Variants in WWOX observed in about 807,000 individuals in gnomAD.
WWOX encodes the protein WW domain containing oxidoreductase, also known as WW domain-containing oxidoreductase.
Under a neutral mutation model 46.2 loss-of-function variants are expected in WWOX, and 69 were observed. The observed-to-expected ratio is 1.49, with a 90% CI of 1.23 to 1.82. The LOEUF (loss-of-function observed/expected upper bound fraction) is 1.82, where lower values mean the gene tolerates loss of function less well. WWOX is among the 40% of genes most tolerant of loss of function. WWOX has a pLI of 0.00. For synonymous variants in WWOX, 359 were observed against 202.6 expected (o/e 1.77, Z -6.56); for missense variants, 919 against 542.6 (o/e 1.69, Z -6.89).
intron 8 of WWOX, among the ~76,000 whole-genome samples, chr16:79,031,659 A>T (rs1265594386): frequency 6.6e-6 from 1 of 150,948 alleles, no homozygotes; most frequent in East Asian, 1.9e-4. Context: ...AAAATTTATC[A>T]TTTAATACCA....
chr16:78,427,425 A>G (rs142117530), intron 7 of WWOX, among the ~76,000 whole-genome samples: 372 of 152,276 alleles, frequency 2.4e-3, no homozygotes, highest in Middle Eastern at 0.014. Context: ...GATAACAATT[A>G]AAGTAGAATG....
intron 8 of WWOX, among the ~76,000 whole-genome samples, chr16:78,506,101 C>T (rs1194094456): frequency 6.6e-6 from 1 of 152,102 alleles, no homozygotes; most frequent in East Asian, 1.9e-4. Context: ...CCAGCAGGGG[C>T]TGCCTGGAGA....
intron 8 of WWOX, among the ~76,000 whole-genome samples, chr16:79,183,427 G>A (rs370932543): frequency 1.3e-5 from 2 of 152,208 alleles, no homozygotes; most frequent in Middle Eastern, 3.2e-3. Flanking sequence ...GAACTGCCCT[G>A]TGAGCAGACA....
At chr16:78,409,649 C>G (rs964858119) in intron 6 of WWOX, among the ~76,000 whole-genome samples, 1 of 152,162 alleles carries the variant, frequency 6.6e-6, no homozygotes, top group African/African-American at 2.4e-5. Context: ...AAACCCAAAG[C>G]TATTATCTGA....
intron 8 of WWOX, among the ~76,000 whole-genome samples, chr16:79,015,620 G>A (rs544344041): frequency 2.8e-4 from 42 of 152,322 alleles, no homozygotes; most frequent in Non-Finnish European, 2.6e-4. Flanking sequence ...TGCAACCAGA[G>A]TTGGAAGCAC....
chr16:78,891,744 T>C (rs887392115), intron 8 of WWOX: 3 of 151,938 alleles, frequency 2.0e-5, no homozygotes, highest in South Asian at 2.1e-4. Context: ...TCTTGAAAGA[T>C]GACAAATGAT....
intron 8 of WWOX, among the ~76,000 whole-genome samples, chr16:79,169,385 T>G (rs1370392303): frequency 1.3e-5 from 2 of 152,202 alleles, no homozygotes; most frequent in Non-Finnish European, 2.9e-5. Context: ...TGTCACGTCT[T>G]CATCTGCAAG....
At chr16:78,453,977 A>G (rs2083752167) in intron 8 of WWOX, among the ~76,000 whole-genome samples, 1 of 152,172 alleles carries the variant, frequency 6.6e-6, no homozygotes, top group African/African-American at 2.4e-5. Flanking sequence ...GGATTTCACC[A>G]CACCTGGTTT....
At chr16:78,195,260 C>G (rs2036011857) in intron 5 of WWOX, among the ~76,000 whole-genome samples, 1 of 152,196 alleles carries the variant, frequency 6.6e-6, no homozygotes, top group African/African-American at 2.4e-5. Flanking sequence ...GGCAGACTGA[C>G]TGGAACCTGC....
chr16:78,804,439 A>G (rs1247350174), intron 8 of WWOX, among the ~76,000 whole-genome samples: 4 of 152,114 alleles, frequency 2.6e-5, no homozygotes, highest in Non-Finnish European at 4.4e-5. Flanking sequence ...AAAGAAAGAA[A>G]GAATTGAAAT....
intron 8 of WWOX, among the ~76,000 whole-genome samples, chr16:79,089,170 A>T (rs74563555): frequency 0.029 from 4,352 of 152,316 alleles, 104 homozygotes; most frequent in Middle Eastern, 0.044. Flanking sequence ...GCCGTTTTAT[A>T]GCTGCATAAC....
intron 8 of WWOX, among the ~76,000 whole-genome samples, chr16:78,498,940 T>TCC (rs2084985883): frequency 6.6e-6 from 1 of 152,156 alleles, no homozygotes; most frequent in Non-Finnish European, 1.5e-5. Flanking sequence ...ATAAGCACAA[T>TCC]AATGATTGTT....
intron 5 of WWOX, among the ~76,000 whole-genome samples, chr16:78,227,819 G>A (rs1284963028): frequency 6.6e-6 from 1 of 152,188 alleles, no homozygotes; most frequent in East Asian, 1.9e-4. Flanking sequence ...GGAGGTTGCA[G>A]TGAGTCGAGT....
At chr16:79,207,264 G>A (rs746733560) in intron 8 of WWOX, among the ~76,000 whole-genome samples, 2 of 152,232 alleles carry the variant, frequency 1.3e-5, no homozygotes, top group Non-Finnish European at 2.9e-5. Context: ...CATTTGAGAA[G>A]TATTTGCTTT....
intron 8 of WWOX, among the ~76,000 whole-genome samples, chr16:78,781,194 C>T (rs1003990124): frequency 6.6e-6 from 1 of 152,096 alleles, no homozygotes; most frequent in Admixed American, 6.6e-5. Context: ...GTGTTGTGAC[C>T]CCTGGCTTGT....
intron 5 of WWOX, among the ~76,000 whole-genome samples, chr16:78,283,371 C>T (rs1372264888): frequency 4.6e-5 from 7 of 152,192 alleles, no homozygotes; most frequent in Admixed American, 2.6e-4. Context: ...CCTTTCATCC[C>T]GCCCTCGGCC....
intron 5 of WWOX, among the ~76,000 whole-genome samples, chr16:78,323,798 G>A (rs911332410): frequency 3.9e-5 from 6 of 152,090 alleles, no homozygotes; most frequent in African/African-American, 1.2e-4. Flanking sequence ...TCCTTTGTCC[G>A]GCATACTTGA....
At chr16:78,166,088 T>A (rs527676709) in intron 5 of WWOX, among the ~76,000 whole-genome samples, 2 of 152,244 alleles carry the variant, frequency 1.3e-5, no homozygotes, top group East Asian at 3.9e-4. Flanking sequence ...GTCCTTCTCT[T>A]GGAAGATAAA....
At chr16:78,750,135 A>T (rs1335699916) in intron 8 of WWOX, among the ~76,000 whole-genome samples, 1 of 152,234 alleles carries the variant, frequency 6.6e-6, no homozygotes, top group East Asian at 1.9e-4. Context: ...ATGAAAATAA[A>T]ATAGTGAGCA....
Sources: gnomAD v4.1 joint callset for allele counts (sites outside exome capture counted in the v4.1 genomes callset) on GRCh38, gnomAD v4.1.1 for gene constraint, MANE v1.5 for transcripts, NCBI Gene and HGNC (gene_info 2026-07-23, HGNC 2026-07-21) for gene names.